Variants in PPP3R1 observed in about 807,000 individuals in gnomAD.
PPP3R1 encodes the protein calcineurin subunit B type 1.
PPP3R1 carries 5 observed loss-of-function variants against 22.6 expected under a neutral mutation model. The observed-to-expected ratio is 0.22, with a 90% CI of 0.12 to 0.46. The LOEUF (loss-of-function observed/expected upper bound fraction) is 0.46. PPP3R1 is among the 20% of genes least tolerant of loss of function. PPP3R1 has a pLI of 0.99. For missense variants in PPP3R1, 61 were observed against 203.2 expected (o/e 0.30, Z 4.25); for synonymous variants, 56 against 65.2 (o/e 0.86, Z 0.68).
chr2:68,247,683 G>T (rs976038497), intron 1 of PPP3R1, among the ~76,000 whole-genome samples: 2 of 152,142 alleles, frequency 1.3e-5, no homozygotes, highest in African/African-American at 4.8e-5. Context: ...AACCAAGTAG[G>T]TGCTCAACAA....
chr2:68,220,754 A>G (rs942895788), intron 1 of PPP3R1, among the ~76,000 whole-genome samples: 1 of 152,234 alleles, frequency 6.6e-6, no homozygotes, highest in African/African-American at 2.4e-5. Flanking sequence ...AAGAAGCCAA[A>G]AACAAAAGGC....
chr2:68,208,758 T>C (rs1669387342), intron 2 of PPP3R1, among the ~76,000 whole-genome samples: 1 of 151,806 alleles, frequency 6.6e-6, no homozygotes, highest in Non-Finnish European at 1.5e-5. Context: ...AACATGTTTC[T>C]ACTAAAAATA....
At chr2:68,202,568 G>T (rs1488833806) in intron 2 of PPP3R1, among the ~76,000 whole-genome samples, 1 of 151,876 alleles carries the variant, frequency 6.6e-6, no homozygotes, top group Non-Finnish European at 1.5e-5. Flanking sequence ...GGGATTACGG[G>T]CACCCACAAC....
chr2:68,224,868 G>A lies in PPP3R1; in HGVS notation c.4-7737C>T, dbSNP rs138390307. 2.7e-3 allele frequency among the ~76,000 whole-genome samples: 414 copies of A among 152,058 alleles called. 2 individuals carry two copies. Among genetic ancestry groups the A allele is most frequent in the African/African-American group, 6.3e-3 (260 of 41,502 alleles). ...TAGCAATATGCAATTTAAAAAAAAT[G>A]ACATGAAGACTTGAATAGATATTTC... On this transcript the variant is annotated intron_variant, in intron 1 of 5. Coordinates refer to ENST00000234310, the MANE Select transcript of PPP3R1 (RefSeq NM_000945.4).
At chr2:68,245,378 T>C (rs13013780) in intron 1 of PPP3R1, among the ~76,000 whole-genome samples, 32,556 of 152,008 alleles carry the variant, frequency 0.21, 3,729 homozygotes, top group Non-Finnish European at 0.25. Context: ...GAAAAAAAAA[T>C]TATTCAGTTT....
intron 2 of PPP3R1, among the ~76,000 whole-genome samples, chr2:68,195,735 T>A (rs934246382): frequency 1.3e-5 from 2 of 152,180 alleles, no homozygotes; most frequent in African/African-American, 4.8e-5. Flanking sequence ...ACCATTTATT[T>A]ATTAAAATAC....
chr2:68,249,757 C>T (rs1041584407), intron 1 of PPP3R1, among the ~76,000 whole-genome samples: 1 of 151,444 alleles, frequency 6.6e-6, no homozygotes, highest in Non-Finnish European at 1.5e-5. Flanking sequence ...ACGTTTAAGG[C>T]ACCAACTAAA....
chr2:68,200,240 C>T (rs187555046), intron 2 of PPP3R1, among the ~76,000 whole-genome samples: 6 of 151,670 alleles, frequency 4.0e-5, no homozygotes, highest in Non-Finnish European at 5.9e-5. Flanking sequence ...CTGTAAGGAT[C>T]TGCAATGATT....
At chr2:68,211,673 G>A (rs777787435) in intron 2 of PPP3R1, among the ~76,000 whole-genome samples, 1 of 152,138 alleles carries the variant, frequency 6.6e-6, no homozygotes, top group South Asian at 2.1e-4. Context: ...TTCAAAACTG[G>A]AGTCAATCTT....
At chr2:68,247,484 T>C (rs1181274382) in intron 1 of PPP3R1, among the ~76,000 whole-genome samples, 2 of 152,204 alleles carry the variant, frequency 1.3e-5, no homozygotes, top group Non-Finnish European at 2.9e-5. Context: ...CCATGACATG[T>C]ATGTAGCAGG....
In PPP3R1 at chr2:68,182,080, T is replaced by G. The variant is rs1868401; in HGVS notation, c.466-1070A>C. Among the ~76,000 whole-genome samples the G allele has an allele frequency of 8.4e-3, 313 of 37,424 alleles. 8 individuals carry two copies. The highest frequency in any genetic ancestry group is 0.031 in the Middle Eastern group (1 of 32). 24.6% of individuals were successfully genotyped at this position (37,424 alleles called of 152,430 possible). A position where few individuals can be genotyped will look rare whatever the true frequency, so the allele number is the denominator to read the frequency against. ...CATCTCCCCTCCTCCAACCCCCCCC[T>G]CCCCCCACCACACACACACGACCAG... On this transcript the variant is annotated intron_variant, in intron 5 of 5. Coordinates refer to ENST00000234310, the MANE Select transcript of PPP3R1 (RefSeq NM_000945.4).
chr2:68,205,537 A>C (rs1176473067), intron 2 of PPP3R1, among the ~76,000 whole-genome samples: 1 of 152,040 alleles, frequency 6.6e-6, no homozygotes, highest in Admixed American at 6.5e-5. Context: ...CACCTAGCCT[A>C]AACAGTATTA....
At position 68,186,588 on chromosome 2, in the gene PPP3R1, T is replaced by C. The variant is rs1383557881; in HGVS notation, c.345A>G (p.Val115=). The part of the protein sequence containing the change: ...GYISNGELFQ[V]LKMMVGNNLK... ...GATTGTTCCCCACCATCATCTTCAA[T>C]ACCTGGAAGAGTTCCCCATTGGAAA... Residue 115 remains valine (V), a synonymous_variant, in exon 5 of 6, where the codon GTA becomes GTG. Coordinates refer to ENST00000234310, the MANE Select transcript of PPP3R1 (RefSeq NM_000945.4). 1 of 1,612,590 alleles carries C rather than the reference T, an allele frequency of 6.2e-7. No individual in the cohort carries two copies. The highest frequency in any genetic ancestry group is 2.2e-5 in the East Asian group (1 of 44,808).
intron 5 of PPP3R1, among the ~76,000 whole-genome samples, chr2:68,184,939 G>C (rs1176891176): frequency 6.6e-6 from 1 of 152,092 alleles, no homozygotes; most frequent in African/African-American, 2.4e-5. Context: ...CTTAAAAATG[G>C]GCCAGGCGCA....
At chr2:68,195,026 A>G (rs1182139222) in intron 2 of PPP3R1, among the ~76,000 whole-genome samples, 1 of 152,134 alleles carries the variant, frequency 6.6e-6, no homozygotes, top group Non-Finnish European at 1.5e-5. Context: ...AACACTCTCC[A>G]AGTTTCACCA....
chr2:68,226,100 G>C (rs1669774715), intron 1 of PPP3R1, among the ~76,000 whole-genome samples: 1 of 152,112 alleles, frequency 6.6e-6, no homozygotes, highest in Middle Eastern at 3.2e-3. Flanking sequence ...GTGCTGTATG[G>C]TTCCATTTAT....
intron 2 of PPP3R1, among the ~76,000 whole-genome samples, chr2:68,205,246 T>C (rs1675093840): frequency 6.8e-6 from 1 of 147,988 alleles, no homozygotes; most frequent in African/African-American, 2.5e-5. Context: ...TATTATCTTT[T>C]TTTTTTTTTT....
At position 68,188,650 on chromosome 2, in the gene PPP3R1, C is replaced by T; in HGVS notation, c.84G>A (p.Lys28=). Residue 28 remains lysine (K), a synonymous_variant, in exon 3 of 6, where the codon AAG becomes AAA. Transcript: ENST00000234310. ...DEIKRLGKRF[K]KLDLDNSGSL... is the part of the protein sequence containing the mutation. The stretch of plus-strand genomic sequence containing the variant: ...AACCAGAATTGTCCAAATCAAGCTT[C>T]TTAAATCTCTTTCCTAGCCTTTTAA... 1.2e-6 allele frequency: 2 copies of T among 1,612,290 alleles called. No homozygotes were observed. Among genetic ancestry groups the T allele is most frequent in the Non-Finnish European group, 1.7e-6 (2 of 1,179,390 alleles).
intron 1 of PPP3R1, among the ~76,000 whole-genome samples, chr2:68,251,455 T>C (rs1487846108): frequency 6.6e-6 from 1 of 152,236 alleles, no homozygotes; most frequent in African/African-American, 2.4e-5. Context: ...CGCGTATGTT[T>C]TCGTGAACAA....
Sources: gnomAD v4.1 joint callset for allele counts (sites outside exome capture counted in the v4.1 genomes callset) on GRCh38, gnomAD v4.1.1 for gene constraint, MANE v1.5 for transcripts, NCBI Gene and HGNC (gene_info 2026-07-23, HGNC 2026-07-21) for gene names.